LIPH: variants seen among roughly 807,000 people sequenced by gnomAD.
LIPH encodes lipase member H.
Under a neutral mutation model 47.6 loss-of-function variants are expected in LIPH, and 32 were observed. That is an observed-to-expected ratio of 0.67 (90% CI 0.51 to 0.90). The LOEUF is 0.90. Ranked by LOEUF, LIPH falls within the 40% of genes least tolerant of loss-of-function variation. The probability of loss-of-function intolerance (pLI) is 0.00; values close to 1 mark genes in which losing one functional copy is unlikely to be tolerated. For synonymous variants in LIPH, 190 were observed against 195.6 expected (o/e 0.97, Z 0.24); for missense variants, 497 against 541.4 (o/e 0.92, Z 0.81).
chr3:185,548,853 G>A (rs904020076), intron 1 of LIPH, among the ~76,000 whole-genome samples: 1 of 152,044 alleles, frequency 6.6e-6, no homozygotes. Context: ...CATTTGTTTT[G>A]CCAGGCATGG....
intron 1 of LIPH, among the ~76,000 whole-genome samples, chr3:185,545,960 A>G (rs986953051): frequency 1.3e-5 from 2 of 151,866 alleles, no homozygotes; most frequent in African/African-American, 4.8e-5. Context: ...GTTTGAGACC[A>G]GCCTGGCCTA....
chr3:185,552,570 G>A lies in LIPH; in HGVS notation c.-99C>T, dbSNP rs1721082697. 1.2e-6 allele frequency: 1 copy of A among 845,872 alleles called. No homozygotes were observed. Among genetic ancestry groups the A allele is most frequent in the Non-Finnish European group, 2.1e-6 (1 of 487,040 alleles). The allele number at this position is 845,872 out of a possible 1,614,324, so 52.4% of individuals were successfully genotyped here. On this transcript the variant is annotated 5_prime_UTR_variant, in exon 1 of 10. Coordinates refer to ENST00000296252, the MANE Select transcript of LIPH (RefSeq NM_139248.3). ...TGGGATTTTGCTCACAGTGAGCTCAGACGACTCAGAGGTGTGGTGACAACA... is the reference window on the plus strand; with the variant it reads ...TGGGATTTTGCTCACAGTGAGCTCAAACGACTCAGAGGTGTGGTGACAACA...
intron 1 of LIPH, among the ~76,000 whole-genome samples, chr3:185,549,006 C>T (rs897916973): frequency 1.3e-5 from 2 of 151,964 alleles, no homozygotes; most frequent in Non-Finnish European, 2.9e-5. Flanking sequence ...GTGGTGGGTG[C>T]CTGTAATCCC....
At chr3:185,522,821 G>C (rs1719952090) in intron 5 of LIPH, among the ~76,000 whole-genome samples, 1 of 152,122 alleles carries the variant, frequency 6.6e-6, no homozygotes, top group Non-Finnish European at 1.5e-5. Flanking sequence ...AACACAAAAT[G>C]ATAGGAAATA....
intron 1 of LIPH, among the ~76,000 whole-genome samples, chr3:185,536,158 C>A (rs1720497295): frequency 6.6e-6 from 1 of 152,170 alleles, no homozygotes; most frequent in Admixed American, 6.6e-5. Context: ...ATGTGTCTAT[C>A]CTGCTAGAAC....
At chr3:185,534,163 C>T (rs760850129) in intron 2 of LIPH, among the ~76,000 whole-genome samples, 1 of 152,150 alleles carries the variant, frequency 6.6e-6, no homozygotes, top group Non-Finnish European at 1.5e-5. Flanking sequence ...CAAGACCATC[C>T]TGGCCAACAT....
intron 5 of LIPH, among the ~76,000 whole-genome samples, chr3:185,522,957 G>C (rs1470556569): frequency 6.6e-6 from 1 of 152,130 alleles, no homozygotes; most frequent in Non-Finnish European, 1.5e-5. Context: ...AAATAAATTG[G>C]CATCATATTA....
intron 3 of LIPH, among the ~76,000 whole-genome samples, chr3:185,529,715 C>A (rs937994371): frequency 6.6e-6 from 1 of 150,874 alleles, no homozygotes. Flanking sequence ...CATACGGAGA[C>A]CCTGTCTCTA....
chr3:185,530,092 G>A (rs545814856), intron 3 of LIPH, among the ~76,000 whole-genome samples: 2 of 152,208 alleles, frequency 1.3e-5, no homozygotes, highest in South Asian at 4.1e-4. Flanking sequence ...CTGAGAGGAT[G>A]GCTTGAGGCC....
At chr3:185,513,807 G>A (rs1388891757) in intron 8 of LIPH, among the ~76,000 whole-genome samples, 2 of 152,150 alleles carry the variant, frequency 1.3e-5, no homozygotes, top group African/African-American at 2.4e-5. Context: ...TTGGGAAGCC[G>A]AGGCGGGCAG....
At chr3:185,540,061 C>T (rs1178821208) in intron 1 of LIPH, among the ~76,000 whole-genome samples, 1 of 152,184 alleles carries the variant, frequency 6.6e-6, no homozygotes, top group Non-Finnish European at 1.5e-5. Context: ...CTCTTCCTAC[C>T]CAACTTTTCC....
At position 185,506,580 on chromosome 3, in the gene LIPH, C is replaced by G. The variant is rs1719383675; in HGVS notation, c.*2210G>C. On this transcript the variant is annotated 3_prime_UTR_variant, in exon 10 of 10. Coordinates refer to ENST00000296252, the MANE Select transcript of LIPH (RefSeq NM_139248.3). Reference sequence around the variant, plus strand: ...ACCAGGGCTGCCGGGTACGATGGCTCACACCTGTAATCCCAGAACTTTGAG... The same window carrying G: ...ACCAGGGCTGCCGGGTACGATGGCTGACACCTGTAATCCCAGAACTTTGAG... 6.6e-6 allele frequency: 1 copy of G among 152,212 alleles called. No homozygotes were observed. The highest frequency in any genetic ancestry group is 2.1e-4 in the South Asian group (1 of 4,824). The allele number at this position is 152,212 out of a possible 1,614,324, so 9.4% of individuals were successfully genotyped here.
intron 6 of LIPH, among the ~76,000 whole-genome samples, chr3:185,517,736 A>C (rs939262661): frequency 5.1e-4 from 78 of 152,300 alleles, no homozygotes; most frequent in African/African-American, 1.8e-3. Flanking sequence ...GGTGGGACCC[A>C]GGCATCAGTA....
At chr3:185,510,276 C>G (rs977549540) in intron 9 of LIPH, among the ~76,000 whole-genome samples, 1 of 152,146 alleles carries the variant, frequency 6.6e-6, no homozygotes, top group Admixed American at 6.6e-5. Flanking sequence ...AAGGAATTCA[C>G]AAAGTACTAA....
At chr3:185,523,940 T>C (rs1719984885) in intron 5 of LIPH, 131 bp downstream of exon 5, 3 of 652,140 alleles carry the variant, frequency 4.6e-6, no homozygotes, top group Non-Finnish European at 8.4e-6. Flanking sequence ...CAGGCTCGTC[T>C]CAAACTCCTG....
intron 1 of LIPH, among the ~76,000 whole-genome samples, chr3:185,543,084 C>T (rs980133075): frequency 2.6e-5 from 4 of 152,100 alleles, no homozygotes; most frequent in African/African-American, 9.7e-5. Flanking sequence ...TTGTACAAGC[C>T]TGTAATCCCC....
intron 8 of LIPH, 122 bp from the exon 9 acceptor site, chr3:185,511,819 C>CTTTTTTTTTTTT (rs78253030): frequency 2.2e-6 from 1 of 457,258 alleles, no homozygotes. Flanking sequence ...CACCAGCTGA[C>CTTTTTTTTTTTT]TTTTTTTTTT....
chr3:185,551,853 G>A (rs1577696600), intron 1 of LIPH, among the ~76,000 whole-genome samples: 1 of 151,772 alleles, frequency 6.6e-6, no homozygotes. Flanking sequence ...ACATTATCTG[G>A]TACATTAGGG....
intron 3 of LIPH, among the ~76,000 whole-genome samples, chr3:185,529,962 GAAGGAAAGAA>G (rs764865196): frequency 0.052 from 2,988 of 57,110 alleles, 95 homozygotes; most frequent in East Asian, 0.21. Context: ...AAGAAAGAAA[GAAGGAAAGAA>G]AGAAAGAGAG....
Sources: allele counts gnomAD v4.1 joint callset (sites outside exome capture counted in the v4.1 genomes callset), GRCh38; gene constraint gnomAD v4.1.1; transcripts MANE v1.5; gene names NCBI Gene and HGNC (gene_info 2026-07-23, HGNC 2026-07-21).